The following DDX10 variants were observed in gnomAD, a reference collection of about 807,000 sequenced individuals.
DDX10 encodes DEAD-box helicase 10, also known as probable ATP-dependent RNA helicase DDX10.
DDX10 carries 74 observed loss-of-function variants against 104.3 expected under a neutral mutation model. The observed-to-expected ratio is 0.71, with a 90% CI of 0.59 to 0.86. DDX10 has a LOEUF of 0.86. Ranked by LOEUF, DDX10 falls within the 40% of genes least tolerant of loss-of-function variation. The pLI, the probability that DDX10 is intolerant of heterozygous loss-of-function variation, is 0.00. For synonymous variants in DDX10, 351 were observed against 353.4 expected (o/e 0.99, Z 0.08); for missense variants, 952 against 1,040.0 (o/e 0.92, Z 1.16).
intron 16 of DDX10, among the ~76,000 whole-genome samples, chr11:108,887,959 T>TTCC (rs1555037397): frequency 2.0e-5 from 3 of 151,412 alleles, no homozygotes; most frequent in Non-Finnish European, 2.9e-5. Context: ...ACAGCTTTTT[T>TTCC]CCCCCCCACT....
intron 13 of DDX10, among the ~76,000 whole-genome samples, chr11:108,733,743 C>T (rs928627552): frequency 3.9e-5 from 6 of 152,078 alleles, no homozygotes; most frequent in African/African-American, 1.4e-4. Context: ...ATTCTTATTA[C>T]CTCATTCTTG....
At chr11:108,726,744 A>G (rs1394546510) in intron 13 of DDX10, among the ~76,000 whole-genome samples, 1 of 151,932 alleles carries the variant, frequency 6.6e-6, no homozygotes, top group Non-Finnish European at 1.5e-5. Flanking sequence ...GTGAGAGTAG[A>G]TATTGCTGTG....
chr11:108,897,757 T>C (rs1863460065), intron 16 of DDX10, among the ~76,000 whole-genome samples: 1 of 152,094 alleles, frequency 6.6e-6, no homozygotes, highest in South Asian at 2.1e-4. Context: ...AGTTTGATCC[T>C]CCCATAAATA....
chr11:108,797,423 T>C (rs1308072457), intron 13 of DDX10, among the ~76,000 whole-genome samples: 1 of 152,216 alleles, frequency 6.6e-6, no homozygotes. Flanking sequence ...TTTAGGGCAT[T>C]CTTTTAACCT....
chr11:108,748,270 G>A (rs1264952021), intron 13 of DDX10, among the ~76,000 whole-genome samples: 1 of 152,192 alleles, frequency 6.6e-6, no homozygotes, highest in Non-Finnish European at 1.5e-5. Flanking sequence ...GTCAGAGAAT[G>A]AGCGGAGACT....
intron 16 of DDX10, among the ~76,000 whole-genome samples, chr11:108,865,676 G>A (rs1863000326): frequency 6.6e-6 from 1 of 151,994 alleles, no homozygotes; most frequent in African/African-American, 2.4e-5. Flanking sequence ...GAGAGTGTGG[G>A]GGATGCAGCG....
intron 13 of DDX10, among the ~76,000 whole-genome samples, chr11:108,787,682 C>T (rs1861814247): frequency 6.6e-6 from 1 of 152,208 alleles, no homozygotes; most frequent in South Asian, 2.1e-4. Context: ...CCTGTAATCC[C>T]AGCACTTTGG....
intron 16 of DDX10, among the ~76,000 whole-genome samples, chr11:108,906,621 G>A (rs537208577): frequency 7.2e-5 from 11 of 152,250 alleles, no homozygotes; most frequent in African/African-American, 2.6e-4. Context: ...CTATTAGAGT[G>A]TTTATTATTG....
intron 13 of DDX10, among the ~76,000 whole-genome samples, chr11:108,803,521 G>A (rs143634277): frequency 0.03 from 4,465 of 149,364 alleles, 223 homozygotes; most frequent in African/African-American, 0.1. Flanking sequence ...TTGAACCCAG[G>A]AGGCAGAGGT....
At chr11:108,690,419 G>A (rs2094250626) in intron 7 of DDX10, 1 of 152,830 alleles carries the variant, frequency 6.5e-6, no homozygotes, top group African/African-American at 2.4e-5. Context: ...GATGATACCA[G>A]TGCCTCCTGA....
intron 16 of DDX10, among the ~76,000 whole-genome samples, chr11:108,884,298 C>T (rs575747064): frequency 6.6e-6 from 1 of 152,288 alleles, no homozygotes; most frequent in South Asian, 2.1e-4. Context: ...CACAAACCTT[C>T]CTTTAACATA....
At chr11:108,707,110 T>A (rs1181461988) in intron 10 of DDX10, among the ~76,000 whole-genome samples, 1 of 152,130 alleles carries the variant, frequency 6.6e-6, no homozygotes, top group Non-Finnish European at 1.5e-5. Context: ...TGAACCTATG[T>A]TGATGTTATT....
chr11:108,918,158 A>G (rs1863777435), intron 17 of DDX10, 140 bp downstream of exon 17: 1 of 812,102 alleles, frequency 1.2e-6, no homozygotes, highest in Non-Finnish European at 2.0e-6. Flanking sequence ...AGATTCCTGG[A>G]AATCCTGCTG....
intron 17 of DDX10, among the ~76,000 whole-genome samples, chr11:108,928,864 C>T (rs1046271951): frequency 5.9e-5 from 9 of 152,312 alleles, no homozygotes; most frequent in African/African-American, 2.2e-4. Flanking sequence ...TTAATGTCCT[C>T]TAGGATAGCT....
At chr11:108,701,406 T>C (rs964125099) in intron 9 of DDX10, among the ~76,000 whole-genome samples, 21 of 152,126 alleles carry the variant, frequency 1.4e-4, no homozygotes, top group African/African-American at 5.1e-4. Flanking sequence ...GACTGTGCGA[T>C]AGTAGAGCGT....
chr11:108,684,870 C>T (rs1255825457), intron 6 of DDX10, among the ~76,000 whole-genome samples: 1 of 145,480 alleles, frequency 6.9e-6, no homozygotes, highest in Admixed American at 6.9e-5. Flanking sequence ...CTGTTGTTTC[C>T]TGACTTTTTA....
At chr11:108,842,427 A>G (rs1402252207) in intron 15 of DDX10, among the ~76,000 whole-genome samples, 1 of 152,224 alleles carries the variant, frequency 6.6e-6, no homozygotes, top group Admixed American at 6.5e-5. Flanking sequence ...CATTCTGAGA[A>G]GGATTCTTAG....
chr11:108,750,926 CTTTTTTTTTTTTTTTTTTTTTT>C lies in DDX10; in HGVS notation c.1965+27481_1965+27502del, dbSNP rs10582729. On this transcript the variant is annotated intron_variant, in intron 13 of 17. Coordinates refer to ENST00000322536, the MANE Select transcript of DDX10 (RefSeq NM_004398.4). Reference sequence around the variant, plus strand: ...ACATGTGCATCACCACACCTGGTTACTTTTTTTTTTTTTTTTTTTTTTTTTTTTTTTTTTTTTTAGAGATGGG... The same window carrying C: ...ACATGTGCATCACCACACCTGGTTACTTTTTTTTTTTTTTTTAGAGATGGG... 8.2e-4 allele frequency among the ~76,000 whole-genome samples: 20 copies of C among 24,252 alleles called. 1 individual carries two copies. The highest frequency in any genetic ancestry group is 1.6e-3 in the Non-Finnish European group (16 of 10,148). 15.9% of individuals were successfully genotyped at this position (24,252 alleles called of 152,430 possible).
At chr11:108,724,707 T>C (rs1451056583) in intron 13 of DDX10, among the ~76,000 whole-genome samples, 1 of 152,070 alleles carries the variant, frequency 6.6e-6, no homozygotes, top group Non-Finnish European at 1.5e-5. Flanking sequence ...TAACCAAAGC[T>C]TCAAATTAAG....
Sources: allele counts gnomAD v4.1 joint callset (sites outside exome capture counted in the v4.1 genomes callset), GRCh38; gene constraint gnomAD v4.1.1; transcripts MANE v1.5; gene names NCBI Gene and HGNC (gene_info 2026-07-23, HGNC 2026-07-21).